DIS3L2: variants seen among roughly 807,000 people sequenced by gnomAD.
DIS3L2 encodes the protein DIS3-like exonuclease 2.
Under a neutral mutation model 97.5 loss-of-function variants are expected in DIS3L2, and 34 were observed. That is an observed-to-expected ratio of 0.35 (90% CI 0.27 to 0.46). The LOEUF is 0.46. DIS3L2 is among the 20% of genes least tolerant of loss of function. The probability of loss-of-function intolerance (pLI) is 1.00; values close to 1 mark genes in which losing one functional copy is unlikely to be tolerated. For synonymous variants in DIS3L2, 435 were observed against 445.2 expected, an observed-to-expected ratio of 0.98 and a Z score of 0.29; for missense variants, 1,038 against 1,146.0, an observed-to-expected ratio of 0.91 and a Z score of 1.36.
chr2:232,142,745 C>T (rs747633772), intron 8 of DIS3L2, among the ~76,000 whole-genome samples: 17 of 152,144 alleles, frequency 1.1e-4, no homozygotes, highest in Non-Finnish European at 1.9e-4. Flanking sequence ...GAAAATAACT[C>T]GTTCCCTCTC....
At chr2:232,042,048 G>A (rs1208361584) in intron 5 of DIS3L2, among the ~76,000 whole-genome samples, 2 of 152,188 alleles carry the variant, frequency 1.3e-5, no homozygotes, top group Non-Finnish European at 2.9e-5. Flanking sequence ...GGGAATAATA[G>A]ATGTATAGGT....
rs150171576 is a variant in DIS3L2 at position 232,170,630 on chromosome 2, C to T, written c.1124+6998C>T. Among the ~76,000 whole-genome samples, 34 of 152,208 alleles carry T rather than the reference C, an allele frequency of 2.2e-4. 1 individual carries two copies. In the East Asian group the frequency reaches 6.2e-3, roughly 28 times the overall value. ...TCTCTCTTTTTTTCCCATTTAATGTCGTCCTGCCAACTAGTGATTTTATTA... is the reference window on the plus strand; with the variant it reads ...TCTCTCTTTTTTTCCCATTTAATGTTGTCCTGCCAACTAGTGATTTTATTA... On this transcript the variant is annotated intron_variant, in intron 9 of 20. Transcript: ENST00000325385.
chr2:232,148,842 C>G (rs1362280835), intron 8 of DIS3L2, among the ~76,000 whole-genome samples: 1 of 138,222 alleles, frequency 7.2e-6, no homozygotes, highest in South Asian at 2.2e-4. Context: ...TCCTTTGTAG[C>G]CATTTAAAAC....
intron 1 of DIS3L2, among the ~76,000 whole-genome samples, chr2:232,005,191 T>TTTTTTA (rs1553600475): frequency 2.1e-5 from 3 of 143,718 alleles, no homozygotes; most frequent in African/African-American, 5.4e-5. Flanking sequence ...TTTTTTTTTT[T>TTTTTTA]ATTTCACTAG....
At chr2:232,266,431 A>G (rs1298167536) in intron 13 of DIS3L2, among the ~76,000 whole-genome samples, 1 of 152,146 alleles carries the variant, frequency 6.6e-6, no homozygotes, top group Non-Finnish European at 1.5e-5. Context: ...AGAGAAAAAC[A>G]TTTTCCTTTT....
chr2:232,137,857 A>G (rs1698400608), intron 8 of DIS3L2, among the ~76,000 whole-genome samples: 1 of 152,096 alleles, frequency 6.6e-6, no homozygotes, highest in Non-Finnish European at 1.5e-5. Context: ...AAGCCTAACT[A>G]ATTATCCAAA....
intron 5 of DIS3L2, among the ~76,000 whole-genome samples, chr2:232,049,700 C>G (rs1469127093): frequency 6.6e-6 from 1 of 152,174 alleles, no homozygotes; most frequent in African/African-American, 2.4e-5. Flanking sequence ...GCATTTATTT[C>G]TTTAACTTTT....
chr2:232,149,663 G>C (rs1574911069), intron 8 of DIS3L2, among the ~76,000 whole-genome samples: 1 of 57,052 alleles, frequency 1.8e-5, no homozygotes, highest in Non-Finnish European at 2.9e-5. Context: ...ACATACGTGT[G>C]CATGTGTCTC....
chr2:232,065,781 C>G (rs1227135855), intron 5 of DIS3L2, among the ~76,000 whole-genome samples: 1 of 151,948 alleles, frequency 6.6e-6, no homozygotes, highest in Non-Finnish European at 1.5e-5. Flanking sequence ...TTGGAGTTGT[C>G]TAATCCATGA....
At chr2:232,081,286 A>G (rs1449026199) in intron 5 of DIS3L2, among the ~76,000 whole-genome samples, 2 of 152,148 alleles carry the variant, frequency 1.3e-5, no homozygotes, top group Non-Finnish European at 1.5e-5. Flanking sequence ...TCTCTGGTCC[A>G]TCCATTATAA....
At chr2:232,340,026 G>A (rs1045778020), downstream of DIS3L2, among the ~76,000 whole-genome samples, 11 of 152,122 alleles carry the variant, frequency 7.2e-5, no homozygotes, top group Non-Finnish European at 5.9e-5. Context: ...TGGCCTGGGC[G>A]CGTTTAGCTG....
chr2:232,110,859 A>C (rs576313163), intron 6 of DIS3L2, among the ~76,000 whole-genome samples: 2 of 152,116 alleles, frequency 1.3e-5, no homozygotes, highest in Non-Finnish European at 2.9e-5. Context: ...CACATCCTGC[A>C]CATGTACCCT....
At chr2:232,193,414 G>A (rs1691668192) in intron 9 of DIS3L2, among the ~76,000 whole-genome samples, 1 of 152,196 alleles carries the variant, frequency 6.6e-6, no homozygotes, top group African/African-American at 2.4e-5. Context: ...TTTCTCATGA[G>A]GTTGTGGCAG....
In DIS3L2 at chr2:232,295,950, G is replaced by C. The variant is rs150523208; in HGVS notation, c.1660-4090G>C. Among the ~76,000 whole-genome samples the C allele has an allele frequency of 8.5e-3, 1,296 of 152,240 alleles. 22 individuals carry two copies. The highest frequency in any genetic ancestry group is 0.049 in the Admixed American group (746 of 15,300). Reference sequence around the variant, plus strand: ...CCATAGCCACTCCCCAGTTTCTGTTGTCCAGCTCTTAAATACAGGTGTTTC... The same window carrying C: ...CCATAGCCACTCCCCAGTTTCTGTTCTCCAGCTCTTAAATACAGGTGTTTC... On this transcript the variant is annotated intron_variant, in intron 13 of 20. Transcript: ENST00000325385.
chr2:232,088,150 C>T (rs1696721632), intron 6 of DIS3L2, among the ~76,000 whole-genome samples: 1 of 152,158 alleles, frequency 6.6e-6, no homozygotes, highest in Admixed American at 6.5e-5. Context: ...CCTGTAATCC[C>T]AGCACTTTGG....
chr2:232,155,122 A>G lies in DIS3L2; in HGVS notation c.951-8337A>G, dbSNP rs1268388746. ...CTGTCTGGCACTCCCTAGTGAGATGAACCCGGTACCTCAGATGGAAATGCA... is the reference window on the plus strand; with the variant it reads ...CTGTCTGGCACTCCCTAGTGAGATGGACCCGGTACCTCAGATGGAAATGCA... On this transcript the variant is annotated intron_variant, in intron 8 of 20. Transcript: ENST00000325385. Among the ~76,000 whole-genome samples, 7 of 150,864 alleles carry G rather than the reference A, an allele frequency of 4.6e-5. No individual in the cohort carries two copies. In the East Asian group the frequency reaches 7.8e-4, roughly 17 times the overall value.
chr2:232,170,640 A>G (rs1179219870), intron 9 of DIS3L2, among the ~76,000 whole-genome samples: 1 of 152,236 alleles, frequency 6.6e-6, no homozygotes, highest in Non-Finnish European at 1.5e-5. Context: ...CGTCCTGCCA[A>G]CTAGTGATTT....
chr2:232,188,547 T>A (rs907314944), intron 9 of DIS3L2, among the ~76,000 whole-genome samples: 2 of 152,334 alleles, frequency 1.3e-5, no homozygotes, highest in South Asian at 4.1e-4. Flanking sequence ...AACTTCGATC[T>A]AAACCTCATG....
intron 14 of DIS3L2, among the ~76,000 whole-genome samples, chr2:232,312,334 A>T (rs1695157593): frequency 6.6e-6 from 1 of 152,204 alleles, no homozygotes; most frequent in Non-Finnish European, 1.5e-5. Flanking sequence ...TCATATGGGT[A>T]TCTGTTGACC....
Sources: gnomAD v4.1 joint callset for allele counts (sites outside exome capture counted in the v4.1 genomes callset) on GRCh38, gnomAD v4.1.1 for gene constraint, MANE v1.5 for transcripts, NCBI Gene and HGNC (gene_info 2026-07-23, HGNC 2026-07-21) for gene names.